FAM185A: variants seen among roughly 807,000 people sequenced by gnomAD.
FAM185A encodes protein FAM185A.
A neutral mutation model predicts 45.7 loss-of-function variants in FAM185A; 21 were observed. That is an observed-to-expected ratio of 0.46 (90% confidence interval 0.33 to 0.66). FAM185A has a LOEUF of 0.66. FAM185A is among the 30% of genes least tolerant of loss of function. The probability of loss-of-function intolerance (pLI) is 0.03; values close to 1 mark genes in which losing one functional copy is unlikely to be tolerated. For synonymous variants in FAM185A, 117 were observed against 194.0 expected (o/e 0.60, Z 3.30); for missense variants, 305 against 485.4 (o/e 0.63, Z 3.49).
At chr7:102,827,714 C>T in the FAM185A span, among the ~76,000 whole-genome samples, 1 of 151,962 alleles carries the variant, frequency 6.6e-6, no homozygotes, top group Admixed American at 6.6e-5. Context: ...GTGTGATGTT[C>T]CCCTTCCTGT....
intron 6 of FAM185A, among the ~76,000 whole-genome samples, chr7:102,781,384 G>A (rs901652332): frequency 7.9e-5 from 12 of 152,298 alleles, no homozygotes; most frequent in Admixed American, 2.0e-4. Flanking sequence ...CCTGACCCCC[G>A]AGTAGCCTAA....
chr7:102,807,179 AGGGGGT>A (rs1797168782), intron 7 of FAM185A, among the ~76,000 whole-genome samples: 2 of 150,046 alleles, frequency 1.3e-5, no homozygotes, highest in Admixed American at 6.7e-5. Flanking sequence ...CAGTGATTGA[AGGGGGT>A]GGGGGTCGGA....
At chr7:102,836,425 A>G in the FAM185A span, among the ~76,000 whole-genome samples, 1 of 152,216 alleles carries the variant, frequency 6.6e-6, no homozygotes, top group African/African-American at 2.4e-5. Context: ...ATCACTCATG[A>G]AATTCCATTT....
chr7:102,761,301 G>T lies in FAM185A; in HGVS notation c.683G>T (p.Ser228Ile). 1 of 1,546,834 alleles carries T rather than the reference G, an allele frequency of 6.5e-7. No individual in the cohort carries two copies. Residue 228 changes from serine (S) to isoleucine (I), a missense_variant, in exon 4 of 8, where the codon AGT becomes ATT. Ser to Ile is a moderately radical substitution (Grantham distance 142). Around this residue, in one of 5 missense-constraint regions of FAM185A, gnomAD observed 44 missense variants for 66.8 expected, o/e 0.66. Coordinates refer to ENST00000413034, the MANE Select transcript of FAM185A (RefSeq NM_001145268.2). Reference sequence around the variant, plus strand: ...GTGACCATAGATAAACTGCAGGGAAGTTCTGTTACTGTATCTACCGAAGAT... The same window carrying T: ...GTGACCATAGATAAACTGCAGGGAATTTCTGTTACTGTATCTACCGAAGAT... ...SAVTIDKLQG[S>I]SVTVSTEDGL...
At chr7:102,790,367 T>C (rs199898334) in intron 7 of FAM185A, among the ~76,000 whole-genome samples, 1 of 152,306 alleles carries the variant, frequency 6.6e-6, no homozygotes, top group East Asian at 1.9e-4. Flanking sequence ...ATCATTTCTG[T>C]AGTTCATCGT....
the FAM185A span, among the ~76,000 whole-genome samples, chr7:102,831,466 A>T: frequency 1.3e-5 from 2 of 151,712 alleles, no homozygotes; most frequent in Non-Finnish European, 2.9e-5. Flanking sequence ...CCAAAATATG[A>T]ATAGTGTCAG....
chr7:102,787,511 C>G (rs1367420874), intron 7 of FAM185A, 42 bp downstream of exon 7: 8 of 1,384,690 alleles, frequency 5.8e-6, no homozygotes, highest in Non-Finnish European at 7.6e-6. Flanking sequence ...AATAGCCATT[C>G]TCCATACATA....
At chr7:102,827,018 C>G in the FAM185A span, 1 of 383,706 alleles carries the variant, frequency 2.6e-6, no homozygotes, top group African/African-American at 2.0e-5. Flanking sequence ...TTTGCAGCTA[C>G]TGTCAGCAAG....
chr7:102,822,479 G>C, the FAM185A span: 11,163 of 568,580 alleles, frequency 0.02, 551 homozygotes, highest in East Asian at 0.15. Context: ...TCTAGTCTTT[G>C]TCTTCTTATA....
chr7:102,832,948 C>T, the FAM185A span: 2 of 1,614,066 alleles, frequency 1.2e-6, no homozygotes, highest in Non-Finnish European at 1.7e-6. Context: ...CCAAATGTTC[C>T]AAGATCAGTG....
chr7:102,840,077 A>AT, the FAM185A span, among the ~76,000 whole-genome samples: 1 of 152,236 alleles, frequency 6.6e-6, no homozygotes, highest in Admixed American at 6.5e-5. Context: ...AACATATAAA[A>AT]TTTGACAGAT....
At chr7:102,752,129 AG>A (rs1196129651) in intron 2 of FAM185A, among the ~76,000 whole-genome samples, 1 of 152,160 alleles carries the variant, frequency 6.6e-6, no homozygotes, top group Non-Finnish European at 1.5e-5. Context: ...TTAAAGAGTA[AG>A]GAAGAATCTT....
At chr7:102,812,840 C>CTT (rs908090315), downstream of FAM185A, among the ~76,000 whole-genome samples, 72 of 122,540 alleles carry the variant, frequency 5.9e-4, no homozygotes, top group Middle Eastern at 4.1e-3. Flanking sequence ...GATTTGGCTT[C>CTT]TTTTTTTTTT....
chr7:102,781,764 G>A (rs1795421505), intron 6 of FAM185A, among the ~76,000 whole-genome samples: 1 of 152,192 alleles, frequency 6.6e-6, no homozygotes, highest in Non-Finnish European at 1.5e-5. Context: ...TCCTCCTCTA[G>A]AGGAACGCGG....
At chr7:102,793,899 C>T (rs71570367) in intron 7 of FAM185A, among the ~76,000 whole-genome samples, 8 of 151,688 alleles carry the variant, frequency 5.3e-5, no homozygotes, top group South Asian at 2.1e-4. Context: ...ATTAGCTGGG[C>T]GTGGTGGCGG....
chr7:102,828,250 T>C, the FAM185A span, among the ~76,000 whole-genome samples: 1 of 152,210 alleles, frequency 6.6e-6, no homozygotes, highest in Non-Finnish European at 1.5e-5. Context: ...GTATCCTCTT[T>C]TATTTCATTG....
At chr7:102,849,823 C>T in the FAM185A span, among the ~76,000 whole-genome samples, 1 of 151,646 alleles carries the variant, frequency 6.6e-6, no homozygotes, top group Admixed American at 6.6e-5. Flanking sequence ...CAGACACACA[C>T]GTACCAAAAG....
At chr7:102,779,210 AAAAGAGGTT>A (rs1795259927) in intron 6 of FAM185A, among the ~76,000 whole-genome samples, 1 of 152,206 alleles carries the variant, frequency 6.6e-6, no homozygotes, top group Admixed American at 6.5e-5. Flanking sequence ...TTATGATGTG[AAAAGAGGTT>A]AAAGAACACA....
the FAM185A span, chr7:102,822,028 GT>G: frequency 6.2e-7 from 1 of 1,613,784 alleles, no homozygotes. Flanking sequence ...TCATAGTCAG[GT>G]ACATACTTAC....
Sources: allele counts gnomAD v4.1 joint callset (sites outside exome capture counted in the v4.1 genomes callset), GRCh38; gene constraint gnomAD v4.1.1; regional missense constraint gnomAD v4.1.1; transcripts MANE v1.5; gene names NCBI Gene and HGNC (gene_info 2026-07-23, HGNC 2026-07-21).